Variants in TGFBRAP1 observed in about 807,000 individuals in gnomAD.
The protein encoded by TGFBRAP1 is transforming growth factor-beta receptor-associated protein 1.
In TGFBRAP1, 20 loss-of-function variants were observed where a neutral mutation model predicts 83.2. The ratio of observed to expected loss-of-function variants is 0.24; its 90% CI spans 0.17 to 0.35. TGFBRAP1 has a LOEUF of 0.35. Among genes scored for constraint, TGFBRAP1 ranks in the 10% least tolerant of loss-of-function variants. TGFBRAP1 has a pLI of 1.00. For missense variants in TGFBRAP1, 950 were observed against 1,099.4 expected (o/e 0.86, Z 1.92); for synonymous variants, 415 against 459.8 (o/e 0.90, Z 1.25).
intron 3 of TGFBRAP1, among the ~76,000 whole-genome samples, chr2:105,296,756 CTTT>C (rs60031957): frequency 3.3e-4 from 24 of 73,224 alleles, no homozygotes; most frequent in African/African-American, 7.2e-4. Context: ...CTTTTTTTGC[CTTT>C]TTTTTTTTTT....
At chr2:105,316,420 AGTGTGTGTGTGTGTGTGTGTGT>A (rs71393002) in intron 1 of TGFBRAP1, among the ~76,000 whole-genome samples, 2 of 109,100 alleles carry the variant, frequency 1.8e-5, no homozygotes, top group African/African-American at 7.2e-5. Context: ...AGGTATAGGG[AGTGTGTGTGTGTGTGTGTGTGT>A]GTGTGTGTGT....
At chr2:105,276,799 C>T (rs1270185682) in intron 7 of TGFBRAP1, among the ~76,000 whole-genome samples, 3 of 152,150 alleles carry the variant, frequency 2.0e-5, no homozygotes, top group Non-Finnish European at 4.4e-5. Flanking sequence ...TGTTGTTCTG[C>T]TCTGCAATCA....
At chr2:105,298,848 T>G (rs1031195950) in intron 2 of TGFBRAP1, 143 bp from the exon 3 acceptor site, 1 of 698,918 alleles carries the variant, frequency 1.4e-6, no homozygotes, top group Non-Finnish European at 2.2e-6. Context: ...AAAAACAATA[T>G]AATATGCTGT....
chr2:105,280,715 T>C lies in TGFBRAP1; in HGVS notation c.1130A>G (p.Gln377Arg). The change falls in exon 6 of 12, where the codon CAG becomes CGG. Residue 377 changes from glutamine to arginine, a missense_variant. Coordinates refer to ENST00000393359, the MANE Select transcript of TGFBRAP1 (RefSeq NM_004257.6). ...AGAGATCAGCTCCCGGACATCAAGC[T>C]GGCCGCTTCTGCAATTACAGTGTCA... ...LEAKELFRSG[Q>R]LDVRELISLY... 6.2e-7 allele frequency: 1 copy of C among 1,612,286 alleles called. No homozygotes were observed. The highest frequency in any genetic ancestry group is 8.5e-7 in the Non-Finnish European group (1 of 1,178,862).
chr2:105,281,278 C>T (rs1218419739), intron 5 of TGFBRAP1, among the ~76,000 whole-genome samples: 1 of 152,194 alleles, frequency 6.6e-6, no homozygotes, highest in East Asian at 1.9e-4. Context: ...CAGAGCCTAA[C>T]ATTGTAATGC....
chr2:105,256,898 C>T, the TGFBRAP1 span, among the ~76,000 whole-genome samples: 5 of 152,160 alleles, frequency 3.3e-5, no homozygotes, highest in African/African-American at 4.8e-5. Flanking sequence ...ACCAAGATGG[C>T]GATGAGAGTG....
intron 10 of TGFBRAP1, among the ~76,000 whole-genome samples, chr2:105,270,323 A>C (rs1484711747): frequency 6.6e-6 from 1 of 152,174 alleles, no homozygotes; most frequent in East Asian, 1.9e-4. Flanking sequence ...CATAACCCAA[A>C]GCGTCATTCC....
At chr2:105,323,187 G>C (rs1215713450) in intron 1 of TGFBRAP1, among the ~76,000 whole-genome samples, 1 of 152,134 alleles carries the variant, frequency 6.6e-6, no homozygotes, top group East Asian at 1.9e-4. Flanking sequence ...TTTTCTTGTG[G>C]TCCCAGTGAT....
At chr2:105,297,555 G>T (rs755783691) in intron 3 of TGFBRAP1, among the ~76,000 whole-genome samples, 5 of 152,212 alleles carry the variant, frequency 3.3e-5, no homozygotes, top group African/African-American at 7.2e-5. Context: ...GGCACAGCAA[G>T]GGTAATGTTT....
intron 4 of TGFBRAP1, among the ~76,000 whole-genome samples, chr2:105,295,999 C>T (rs1678076513): frequency 6.6e-6 from 1 of 152,046 alleles, no homozygotes; most frequent in African/African-American, 2.4e-5. Context: ...ACAAATTAAC[C>T]TGACCTCACT....
At chr2:105,279,021 G>T (rs998397606) in intron 6 of TGFBRAP1, among the ~76,000 whole-genome samples, 9 of 151,946 alleles carry the variant, frequency 5.9e-5, no homozygotes, top group Non-Finnish European at 1.2e-4. Context: ...CCACGCTTTT[G>T]TCATTTCAAA....
chr2:105,315,197 G>A (rs1678817107), intron 1 of TGFBRAP1, among the ~76,000 whole-genome samples: 1 of 152,034 alleles, frequency 6.6e-6, no homozygotes, highest in East Asian at 1.9e-4. Flanking sequence ...AGATCCTTAT[G>A]GATAAAATAA....
intron 1 of TGFBRAP1, among the ~76,000 whole-genome samples, chr2:105,313,734 T>C (rs957389435): frequency 3.9e-5 from 6 of 152,156 alleles, no homozygotes; most frequent in African/African-American, 1.4e-4. Flanking sequence ...TATGGCTAAG[T>C]TGGGATGCAG....
chr2:105,291,258 G>A (rs1400728922), intron 4 of TGFBRAP1, among the ~76,000 whole-genome samples: 3 of 152,088 alleles, frequency 2.0e-5, no homozygotes, highest in Non-Finnish European at 2.9e-5. Context: ...TCTCTGCCAC[G>A]TGAAGACAGA....
intron 11 of TGFBRAP1, among the ~76,000 whole-genome samples, chr2:105,268,288 A>G (rs1677016453): frequency 6.6e-6 from 1 of 152,176 alleles, no homozygotes; most frequent in African/African-American, 2.4e-5. Context: ...CCCTACAGAC[A>G]CTGAGATAAA....
chr2:105,309,684 G>A (rs1480987900), intron 1 of TGFBRAP1, among the ~76,000 whole-genome samples: 1 of 152,178 alleles, frequency 6.6e-6, no homozygotes, highest in Non-Finnish European at 1.5e-5. Context: ...GATACCCCAG[G>A]GTTGAGGAGG....
chr2:105,305,631 C>T (rs1678469575), intron 2 of TGFBRAP1, among the ~76,000 whole-genome samples: 1 of 152,078 alleles, frequency 6.6e-6, no homozygotes, highest in Admixed American at 6.6e-5. Flanking sequence ...ACTTAGTGAG[C>T]TACCTCAAAT....
rs564295759 is a variant in TGFBRAP1 at position 105,267,032 on chromosome 2, G to T, written c.*351C>A. 8 of 205,310 alleles carry T rather than the reference G, an allele frequency of 3.9e-5. No individual in the cohort carries two copies. Among genetic ancestry groups the T allele is most frequent in the Non-Finnish European group, 2.0e-5 (2 of 101,778 alleles). The allele number at this position is 205,310 out of a possible 1,614,324, so 12.7% of individuals were successfully genotyped here. On this transcript the variant is annotated 3_prime_UTR_variant, in exon 12 of 12. Transcript: ENST00000393359. ...AGGTTGGAGTGTGGGGGTGGTGGGGGATCCCCCACCTGGGTCTGGACTGCA... is the reference window on the plus strand; with the variant it reads ...AGGTTGGAGTGTGGGGGTGGTGGGGTATCCCCCACCTGGGTCTGGACTGCA...
intron 1 of TGFBRAP1, among the ~76,000 whole-genome samples, chr2:105,320,552 T>C (rs6738574): frequency 0.17 from 25,970 of 152,140 alleles, 2,771 homozygotes; most frequent in Middle Eastern, 0.23. Flanking sequence ...ATTATCCTCC[T>C]TATAACATAC....
Sources: allele counts gnomAD v4.1 joint callset (sites outside exome capture counted in the v4.1 genomes callset), GRCh38; gene constraint gnomAD v4.1.1; transcripts MANE v1.5; gene names NCBI Gene and HGNC (gene_info 2026-07-23, HGNC 2026-07-21).